Variants in PACRGL observed in about 807,000 individuals in gnomAD.
The protein encoded by PACRGL is parkin coregulated like.
A neutral mutation model predicts 34.5 loss-of-function variants in PACRGL; 38 were observed. That is an observed-to-expected ratio of 1.10 (90% CI 0.85 to 1.44). PACRGL has a LOEUF of 1.44. PACRGL is among the 40% of genes most tolerant of loss of function. The pLI is 0.00. For missense variants in PACRGL, 305 were observed against 281.4 expected (o/e 1.08, Z -0.60); for synonymous variants, 128 against 100.1 (o/e 1.28, Z -1.66).
chr4:20,725,457 A>G (rs1256434863), intron 8 of PACRGL, among the ~76,000 whole-genome samples: 1 of 152,158 alleles, frequency 6.6e-6, no homozygotes. Context: ...GGAGGATTTC[A>G]TAACTGTATG....
chr4:20,746,716 C>T (rs1279138656), intron 8 of PACRGL, among the ~76,000 whole-genome samples: 1 of 152,150 alleles, frequency 6.6e-6, no homozygotes, highest in Non-Finnish European at 1.5e-5. Flanking sequence ...GTTAAGTACT[C>T]AGCCTAGGGT....
chr4:20,730,795 T>A lies in PACRGL; in HGVS notation c.*3454T>A, dbSNP rs192059625. Among the ~76,000 whole-genome samples the A allele has an allele frequency of 4.2e-3, 647 of 152,270 alleles. 6 individuals carry two copies. The highest frequency in any genetic ancestry group is 0.014 in the African/African-American group (598 of 41,552). On this transcript the variant is annotated 3_prime_UTR_variant, in exon 9 of 9. Coordinates refer to ENST00000503585, the MANE Select transcript of PACRGL (RefSeq NM_001258345.3). ...TGAGTTAGGGGACAGACTTTGGGCATTATTGGAGCACTTGTCAGTTGCATG... is the reference window on the plus strand; with the variant it reads ...TGAGTTAGGGGACAGACTTTGGGCAATATTGGAGCACTTGTCAGTTGCATG...
chr4:20,737,012 A>G (rs1421490566), downstream of PACRGL, among the ~76,000 whole-genome samples: 1 of 152,224 alleles, frequency 6.6e-6, no homozygotes, highest in African/African-American at 2.4e-5. Context: ...GTCTGTGGCC[A>G]ATTGATTTTC....
At chr4:20,726,101 G>A (rs534205511) in intron 8 of PACRGL, among the ~76,000 whole-genome samples, 5 of 152,176 alleles carry the variant, frequency 3.3e-5, no homozygotes, top group South Asian at 4.1e-4. Flanking sequence ...CCTGTGGGCC[G>A]GTATGGGAAA....
chr4:20,703,385 A>G (rs1268967960), intron 1 of PACRGL, among the ~76,000 whole-genome samples: 1 of 152,178 alleles, frequency 6.6e-6, no homozygotes. Context: ...TGCCATAGAA[A>G]TACACATTTG....
At chr4:20,741,017 G>A (rs1007439453) in intron 8 of PACRGL, among the ~76,000 whole-genome samples, 2 of 152,122 alleles carry the variant, frequency 1.3e-5, no homozygotes, top group Admixed American at 6.5e-5. Context: ...AACAAGAAGA[G>A]CTAACTATCC....
intron 1 of PACRGL, chr4:20,702,014 A>C (rs568750655): frequency 6.8e-6 from 3 of 442,082 alleles, no homozygotes; most frequent in Non-Finnish European, 1.4e-5. Flanking sequence ...TATATTGTAC[A>C]TAAAAGTTGT....
the PACRGL span, among the ~76,000 whole-genome samples, chr4:20,764,411 T>C: frequency 1.3e-5 from 2 of 152,090 alleles, no homozygotes; most frequent in Non-Finnish European, 2.9e-5. Flanking sequence ...CTGTTGCATA[T>C]TGAGGCGATT....
chr4:20,704,930 G>C (rs1402992862), intron 3 of PACRGL, 116 bp downstream of exon 3: 2 of 1,151,292 alleles, frequency 1.7e-6, no homozygotes, highest in African/African-American at 3.1e-5. Context: ...AGCTAATAAT[G>C]AGAGAAGGGC....
intron 3 of PACRGL, among the ~76,000 whole-genome samples, chr4:20,706,656 A>AACTCCGCCTCC (rs1734611510): frequency 6.6e-6 from 1 of 152,052 alleles, no homozygotes; most frequent in Admixed American, 6.6e-5. Context: ...GTTCACTGCA[A>AACTCCGCCTCC]ACTCCGCCTC....
intron 3 of PACRGL, among the ~76,000 whole-genome samples, chr4:20,707,551 G>A (rs1161087264): frequency 6.6e-6 from 1 of 152,188 alleles, no homozygotes; most frequent in Non-Finnish European, 1.5e-5. Flanking sequence ...TGGGGAAGAA[G>A]GTAGAAAGAA....
At position 20,723,437 on chromosome 4, in the gene PACRGL, G is replaced by GTT. The variant is rs142101499; in HGVS notation, c.610-1367_610-1366dup. 2.4e-3 allele frequency among the ~76,000 whole-genome samples: 349 copies of GTT among 146,438 alleles called. 8 individuals are homozygous for GTT. The South Asian group carries it at 0.047, about 20-fold the overall frequency. ...GGTTTTGGGTTTTTTTTGTTTTTTT[G>GTT]TTTTTGTTTTTGCAGGTGGGTGGGG... On this transcript the variant is annotated intron_variant, in intron 7 of 8. Transcript: ENST00000503585.
chr4:20,727,263 C>G, intron 8 of PACRGL, 22 bp from the exon 9 acceptor site: 1 of 1,592,982 alleles, frequency 6.3e-7, no homozygotes, highest in Non-Finnish European at 8.6e-7. Flanking sequence ...ACTAATGATG[C>G]TCAATTTTTT....
intron 7 of PACRGL, among the ~76,000 whole-genome samples, chr4:20,723,228 G>T (rs927470967): frequency 6.6e-6 from 1 of 152,274 alleles, no homozygotes; most frequent in East Asian, 1.9e-4. Flanking sequence ...ATGTCAGGGG[G>T]TGTGGCTGAC....
chr4:20,745,008 G>C (rs1752108020), intron 8 of PACRGL, among the ~76,000 whole-genome samples: 1 of 152,130 alleles, frequency 6.6e-6, no homozygotes. Flanking sequence ...ACTAAACCTA[G>C]TCCAGGTCTA....
At chr4:20,706,337 G>A (rs1734452570) in intron 3 of PACRGL, among the ~76,000 whole-genome samples, 1 of 152,116 alleles carries the variant, frequency 6.6e-6, no homozygotes, top group Admixed American at 6.6e-5. Flanking sequence ...GGGCCAAAAA[G>A]AAAGATCATT....
the PACRGL span, among the ~76,000 whole-genome samples, chr4:20,758,645 T>C: frequency 6.6e-6 from 1 of 152,346 alleles, no homozygotes; most frequent in East Asian, 1.9e-4. Context: ...TATTTGATAA[T>C]TTCTAAGTCG....
intron 7 of PACRGL, among the ~76,000 whole-genome samples, chr4:20,723,980 C>T (rs1744574475): frequency 6.6e-6 from 1 of 151,944 alleles, no homozygotes; most frequent in East Asian, 1.9e-4. Flanking sequence ...TCAAAGCCTT[C>T]ATTTTTATGG....
intron 7 of PACRGL, chr4:20,716,099 T>C (rs1739825486): frequency 6.6e-7 from 1 of 1,521,210 alleles, no homozygotes; most frequent in East Asian, 2.5e-5. Context: ...AATATAAATA[T>C]TTACTAGGAC....
Sources: gnomAD v4.1 joint callset for allele counts (sites outside exome capture counted in the v4.1 genomes callset) on GRCh38, gnomAD v4.1.1 for gene constraint, MANE v1.5 for transcripts, NCBI Gene and HGNC (gene_info 2026-07-23, HGNC 2026-07-21) for gene names.